The following CSNK1G3 variants were observed in gnomAD, a reference collection of about 807,000 sequenced individuals.
The protein encoded by CSNK1G3 is casein kinase I isoform gamma-3.
CSNK1G3 carries 23 observed loss-of-function variants against 64.3 expected under a neutral mutation model. The ratio of observed to expected loss-of-function variants is 0.36; its 90% CI spans 0.26 to 0.51. The LOEUF (loss-of-function observed/expected upper bound fraction) is 0.51. CSNK1G3 is among the 20% of genes least tolerant of loss of function. The pLI is 0.96. For synonymous variants in CSNK1G3, 158 were observed against 162.2 expected, an observed-to-expected ratio of 0.97 and a Z score of 0.20; for missense variants, 357 against 510.5, an observed-to-expected ratio of 0.70 and a Z score of 2.90.
intron 1 of CSNK1G3, among the ~76,000 whole-genome samples, chr5:123,527,902 C>T (rs1176028881): frequency 1.3e-5 from 2 of 151,978 alleles, no homozygotes; most frequent in East Asian, 3.8e-4. Flanking sequence ...CTAACATATT[C>T]AAATCTTTTC....
In CSNK1G3 at chr5:123,526,496, G is replaced by A. The variant is rs76627286; in HGVS notation, c.-248+13926G>A. Reference sequence around the variant, plus strand: ...TTTTAAGATATTTTTATATTAAATAGTTTTTCTCTCTAAAATTCACTCTGC... The same window carrying A: ...TTTTAAGATATTTTTATATTAAATAATTTTTCTCTCTAAAATTCACTCTGC... On this transcript the variant is annotated intron_variant, in intron 1 of 12. Transcript: ENST00000345990. Among the ~76,000 whole-genome samples, 1,046 of 152,058 alleles carry A rather than the reference G, an allele frequency of 6.9e-3. 12 individuals carry two copies. Among genetic ancestry groups the A allele is most frequent in the African/African-American group, 0.024 (982 of 41,462 alleles).
Position 123,590,569 on chromosome 5 carries a change from T to C in CSNK1G3, c.990+11T>C. The C allele has an allele frequency of 7.2e-7, 1 of 1,393,072 alleles. No individual in the cohort carries two copies. The highest frequency in any genetic ancestry group is 2.7e-5 in the East Asian group (1 of 37,552). 86.3% of individuals were successfully genotyped at this position (1,393,072 alleles called of 1,614,324 possible). On this transcript the variant is annotated intron_variant, in intron 9 of 12. Coordinates refer to ENST00000345990, the Ensembl canonical transcript of CSNK1G3. Reference sequence around the variant, plus strand: ...ATTGGTAAACAGTTGGTGAGTATTCTATATAATAATATATTACTTACAGTA... The same window carrying C: ...ATTGGTAAACAGTTGGTGAGTATTCCATATAATAATATATTACTTACAGTA...
intron 6 of CSNK1G3, among the ~76,000 whole-genome samples, chr5:123,584,667 A>T (rs954611322): frequency 6.6e-6 from 1 of 152,150 alleles, no homozygotes; most frequent in East Asian, 1.9e-4. Flanking sequence ...TAGAATTGGT[A>T]TTATTCTTTA....
chr5:123,554,704 C>G (rs576878698), intron 3 of CSNK1G3, among the ~76,000 whole-genome samples: 2 of 152,252 alleles, frequency 1.3e-5, no homozygotes, highest in South Asian at 4.1e-4. Flanking sequence ...GGCCAGTGGT[C>G]CTGAACCTAC....
intron 1 of CSNK1G3, among the ~76,000 whole-genome samples, chr5:123,540,378 C>T (rs1781490032): frequency 6.6e-6 from 1 of 152,018 alleles, no homozygotes; most frequent in Non-Finnish European, 1.5e-5. Context: ...TATTGAAGTA[C>T]TTCCTCAACT....
chr5:123,518,301 G>T (rs1054491187), intron 1 of CSNK1G3, among the ~76,000 whole-genome samples: 5 of 152,204 alleles, frequency 3.3e-5, no homozygotes, highest in African/African-American at 1.2e-4. Flanking sequence ...AGAAGGAGTG[G>T]TATATGTGGT....
chr5:123,525,115 CTA>C (rs1405754373), intron 1 of CSNK1G3, among the ~76,000 whole-genome samples: 2 of 152,148 alleles, frequency 1.3e-5, no homozygotes, highest in Non-Finnish European at 2.9e-5. Flanking sequence ...CTCATTTAAA[CTA>C]TGTGATGTCA....
At chr5:123,564,525 C>T (rs1482194621) in intron 4 of CSNK1G3, among the ~76,000 whole-genome samples, 2 of 151,936 alleles carry the variant, frequency 1.3e-5, no homozygotes, top group African/African-American at 2.4e-5. Context: ...AAGCTTGTAG[C>T]TTAGGGACTA....
intron 10 of CSNK1G3, among the ~76,000 whole-genome samples, chr5:123,602,365 C>G (rs1229170144): frequency 6.6e-6 from 1 of 152,128 alleles, no homozygotes; most frequent in Non-Finnish European, 1.5e-5. Flanking sequence ...ACTAAAGTGT[C>G]AGATCTAGAA....
intron 1 of CSNK1G3, among the ~76,000 whole-genome samples, chr5:123,515,903 TAACCTCATTTTTGAG>T (rs1242782299): frequency 6.6e-6 from 1 of 152,204 alleles, no homozygotes; most frequent in Non-Finnish European, 1.5e-5. Context: ...TTAGGTGGTG[TAACCTCATTTTTGAG>T]AGCAGGAAAC....
chr5:123,585,953 C>G (rs974437448), intron 6 of CSNK1G3, among the ~76,000 whole-genome samples: 1 of 152,008 alleles, frequency 6.6e-6, no homozygotes, highest in Non-Finnish European at 1.5e-5. Context: ...ATTAACCCAA[C>G]ATAAATGAAA....
At chr5:123,529,825 T>A (rs1338248657) in intron 1 of CSNK1G3, among the ~76,000 whole-genome samples, 1 of 152,084 alleles carries the variant, frequency 6.6e-6, no homozygotes, top group Non-Finnish European at 1.5e-5. Context: ...AGTAAATGCT[T>A]AGGAGGGTGT....
intron 3 of CSNK1G3, among the ~76,000 whole-genome samples, chr5:123,556,667 A>G (rs1327913075): frequency 6.6e-6 from 1 of 151,894 alleles, no homozygotes; most frequent in Non-Finnish European, 1.5e-5. Flanking sequence ...GGTTCTTTTT[A>G]AAATTTCCTG....
At position 123,544,152 on chromosome 5, in the gene CSNK1G3, G is replaced by T. The variant is rs536755345; in HGVS notation, c.-247-1265G>T. 9.2e-5 allele frequency among the ~76,000 whole-genome samples: 14 copies of T among 152,176 alleles called. No homozygotes were observed. The South Asian group carries it at 1.5e-3, about 16-fold the overall frequency. On this transcript the variant is annotated intron_variant, in intron 1 of 12. Coordinates refer to ENST00000345990, the Ensembl canonical transcript of CSNK1G3. ...CAGGTTAGCTCACTGCAACCTTGGC[G>T]TTACCAGTACTGCACATAGCCCTCT...
chr5:123,536,627 A>T lies in CSNK1G3; in HGVS notation c.-247-8790A>T, dbSNP rs145070538. 1.5e-3 allele frequency among the ~76,000 whole-genome samples: 226 copies of T among 152,220 alleles called. 2 individuals are homozygous for T. The highest frequency in any genetic ancestry group is 5.1e-3 in the African/African-American group (213 of 41,570). On this transcript the variant is annotated intron_variant, in intron 1 of 12. Transcript: ENST00000345990. ...CTATGCTAATTACTCTGATGTGATC[A>T]CTATATAGTATGTGTATTGAAACAT...
chr5:123,541,681 C>T (rs1358934209), intron 1 of CSNK1G3, among the ~76,000 whole-genome samples: 2 of 152,202 alleles, frequency 1.3e-5, no homozygotes, highest in African/African-American at 2.4e-5. Flanking sequence ...AATCACCTAC[C>T]TCTGCCTCCC....
At chr5:123,520,710 A>G (rs1443920162) in intron 1 of CSNK1G3, among the ~76,000 whole-genome samples, 1 of 152,040 alleles carries the variant, frequency 6.6e-6, no homozygotes, top group Non-Finnish European at 1.5e-5. Context: ...AATATACATT[A>G]TAAAATTAGT....
intron 2 of CSNK1G3, among the ~76,000 whole-genome samples, chr5:123,546,424 T>C (rs1014053356): frequency 2.0e-5 from 3 of 152,130 alleles, no homozygotes; most frequent in Non-Finnish European, 4.4e-5. Context: ...CTAATTAAGC[T>C]TCCTAACTCT....
At chr5:123,523,793 C>G (rs903069379) in intron 1 of CSNK1G3, among the ~76,000 whole-genome samples, 2 of 152,166 alleles carry the variant, frequency 1.3e-5, no homozygotes, top group African/African-American at 4.8e-5. Flanking sequence ...GTGTTTGGTA[C>G]AAATTGATTT....
Sources: allele counts gnomAD v4.1 joint callset (sites outside exome capture counted in the v4.1 genomes callset), GRCh38; gene constraint gnomAD v4.1.1; transcripts MANE v1.5; gene names NCBI Gene and HGNC (gene_info 2026-07-23, HGNC 2026-07-21).